Variants in UGGT2 observed in about 807,000 individuals in gnomAD.
UGGT2 encodes the protein UDP-glucose:glycoprotein glucosyltransferase 2.
Under a neutral mutation model 192.1 loss-of-function variants are expected in UGGT2, and 180 were observed. The ratio of observed to expected loss-of-function variants is 0.94; its 90% CI spans 0.83 to 1.06. The LOEUF is 1.06. UGGT2 is among the 50% of genes least tolerant of loss of function. The pLI, the probability that UGGT2 is intolerant of heterozygous loss-of-function variation, is 0.00. For missense variants in UGGT2, 1,849 were observed against 1,795.7 expected (o/e 1.03, Z -0.54); for synonymous variants, 580 against 591.0 (o/e 0.98, Z 0.27).
chr13:95,943,066 C>T (rs183698319), intron 15 of UGGT2, among the ~76,000 whole-genome samples: 59 of 152,212 alleles, frequency 3.9e-4, no homozygotes, highest in African/African-American at 1.3e-3. Flanking sequence ...GGGACCCCCA[C>T]GTTCTTTTGA....
At chr13:95,986,548 G>T (rs2051295377) in intron 8 of UGGT2, 116 bp from the exon 9 acceptor site, 3 of 627,868 alleles carry the variant, frequency 4.8e-6, no homozygotes, top group Non-Finnish European at 7.8e-6. Context: ...ATACAAACAT[G>T]TTAATACTGT....
chr13:96,015,725 A>C (rs763892005), intron 4 of UGGT2, among the ~76,000 whole-genome samples: 16 of 152,360 alleles, frequency 1.1e-4, no homozygotes, highest in Non-Finnish European at 2.1e-4. Flanking sequence ...ATACACTTTA[A>C]TATACATGTA....
At chr13:95,957,008 A>G (rs1301610054) in intron 12 of UGGT2, among the ~76,000 whole-genome samples, 1 of 152,250 alleles carries the variant, frequency 6.6e-6, no homozygotes, top group Non-Finnish European at 1.5e-5. Flanking sequence ...AAAAGGAACA[A>G]AATTCTGATA....
At chr13:95,824,275 G>A (rs565267920) in intron 38 of UGGT2, among the ~76,000 whole-genome samples, 1 of 141,630 alleles carries the variant, frequency 7.1e-6, no homozygotes, top group Admixed American at 7.0e-5. Context: ...CTTCGGTGAT[G>A]ATCTTTTCAT....
rs777122376 is a variant in UGGT2, at chr13:95,902,894, G to C, written c.2462C>G (p.Ala821Gly). Residue 821 changes from alanine (A) to glycine (G), a missense_variant, in exon 21 of 39, where the codon GCT (alanine) becomes GGT (glycine). Ala to Gly is a moderately conservative substitution (Grantham distance 60). Coordinates refer to ENST00000376747, the MANE Select transcript of UGGT2 (RefSeq NM_020121.4). ...GQLAKEEIAT[A>G]IYSGDKIKTF... ...TTTAATTTTATCTCCAGAGTAAATA[G>C]CTGTAGCAATTTCTTCCTTTGCCAG... 4 of 1,613,262 alleles carry C rather than the reference G, an allele frequency of 2.5e-6. No individual in the cohort carries two copies. The African/African-American group carries it at 5.3e-5, about 22-fold the overall frequency.
intron 20 of UGGT2, among the ~76,000 whole-genome samples, chr13:95,915,840 A>T (rs1594317552): frequency 6.6e-6 from 1 of 150,716 alleles, no homozygotes; most frequent in Non-Finnish European, 1.5e-5. Flanking sequence ...ACTGGGGAGG[A>T]CCTCCCTGCA....
chr13:95,823,438 G>C (rs1885698691), intron 38 of UGGT2, among the ~76,000 whole-genome samples: 1 of 152,006 alleles, frequency 6.6e-6, no homozygotes, highest in Admixed American at 6.6e-5. Flanking sequence ...ATAAATATGA[G>C]AGCTCCAGTG....
At chr13:96,020,594 T>G (rs575162076) in intron 4 of UGGT2, among the ~76,000 whole-genome samples, 1 of 152,150 alleles carries the variant, frequency 6.6e-6, no homozygotes, top group Non-Finnish European at 1.5e-5. Flanking sequence ...GCCTTTTCCT[T>G]AGGAGCCCAG....
chr13:95,833,958 T>G (rs1887002181), intron 37 of UGGT2, among the ~76,000 whole-genome samples: 1 of 152,212 alleles, frequency 6.6e-6, no homozygotes, highest in African/African-American at 2.4e-5. Context: ...AGGGGAAAGC[T>G]ATTAGTCATG....
chr13:95,920,106 G>A (rs745802235), intron 20 of UGGT2, among the ~76,000 whole-genome samples: 5 of 152,130 alleles, frequency 3.3e-5, no homozygotes, highest in African/African-American at 4.8e-5. Flanking sequence ...TGGGGAAAGG[G>A]TTCCCTATTT....
At chr13:95,927,808 T>A (rs2049077726) in intron 17 of UGGT2, among the ~76,000 whole-genome samples, 2 of 152,212 alleles carry the variant, frequency 1.3e-5, no homozygotes, top group Non-Finnish European at 2.9e-5. Flanking sequence ...CAGAGGGCCC[T>A]GCCGCCTTCC....
chr13:95,909,813 A>AAAC (rs1458728905), intron 20 of UGGT2, among the ~76,000 whole-genome samples: 1 of 148,422 alleles, frequency 6.7e-6, no homozygotes, highest in African/African-American at 2.4e-5. Flanking sequence ...AAAAAAAAAA[A>AAAC]AAAAAAACTG....
At chr13:95,985,672 ACTCTGTCATCC>A (rs2051268539) in intron 9 of UGGT2, among the ~76,000 whole-genome samples, 1 of 152,104 alleles carries the variant, frequency 6.6e-6, no homozygotes, top group Admixed American at 6.6e-5. Context: ...CTAATTTTAT[ACTCTGTCATCC>A]CTAACCAGAA....
chr13:95,933,163 GTTC>G (rs2049344591), intron 17 of UGGT2, among the ~76,000 whole-genome samples: 1 of 152,180 alleles, frequency 6.6e-6, no homozygotes, highest in Non-Finnish European at 1.5e-5. Flanking sequence ...ATTGGTAACA[GTTC>G]TTCTTTATAC....
chr13:95,886,772 G>A (rs2047657535), intron 26 of UGGT2, among the ~76,000 whole-genome samples: 1 of 152,176 alleles, frequency 6.6e-6, no homozygotes, highest in Non-Finnish European at 1.5e-5. Context: ...GCTGGGCACA[G>A]TGGCTCATGC....
In UGGT2 at chr13:95,894,609, AGGCAC is replaced by A. The variant is rs1458954601; in HGVS notation, c.2803_2807del (p.Val935Ter). 1 of 1,612,424 alleles carries A rather than the reference AGGCAC, an allele frequency of 6.2e-7. No homozygotes were observed. Reference sequence around the variant, plus strand: ...TGACATCATATCGAGATGCACGCTTAGGCACAGAGGACATAAGGGCATCAACTTTC... The same window carrying A: ...TGACATCATATCGAGATGCACGCTTAAGAGGACATAAGGGCATCAACTTTC... On this transcript the variant is annotated frameshift_variant, in exon 24 of 39. Transcript: ENST00000376747. LOFTEE classifies it high-confidence loss of function.
chr13:95,967,279 A>G (rs1261569974), intron 12 of UGGT2, among the ~76,000 whole-genome samples: 2 of 151,860 alleles, frequency 1.3e-5, no homozygotes, highest in African/African-American at 4.8e-5. Context: ...CAGCCTCCCA[A>G]GTAGCTGGGA....
intron 7 of UGGT2, chr13:95,995,841 T>G: frequency 2.0e-6 from 1 of 506,930 alleles, no homozygotes; most frequent in Non-Finnish European, 3.5e-6. Flanking sequence ...TCTCTTTAAT[T>G]GTGAAATTAG....
intron 4 of UGGT2, among the ~76,000 whole-genome samples, chr13:96,014,959 C>A (rs887813119): frequency 2.0e-5 from 3 of 151,978 alleles, no homozygotes; most frequent in Non-Finnish European, 4.4e-5. Context: ...AAAAATTCTT[C>A]CTTCAAAGAA....
Sources: gnomAD v4.1 joint callset for allele counts (sites outside exome capture counted in the v4.1 genomes callset) on GRCh38, gnomAD v4.1.1 for gene constraint, MANE v1.5 for transcripts, NCBI Gene and HGNC (gene_info 2026-07-23, HGNC 2026-07-21) for gene names.